C2orf69: variants seen among roughly 807,000 people sequenced by gnomAD.
The protein encoded by C2orf69 is chromosome 2 open reading frame 69, also known as mitochondrial protein C2orf69.
A neutral mutation model predicts 29.5 loss-of-function variants in C2orf69; 19 were observed. That is an observed-to-expected ratio of 0.65 (90% CI 0.45 to 0.95). C2orf69 has a LOEUF of 0.95. Among genes scored for constraint, C2orf69 ranks in the 40% least tolerant of loss-of-function variants. C2orf69 has a pLI of 0.00. For missense variants in C2orf69, 416 were observed against 482.1 expected (o/e 0.86, Z 1.28); for synonymous variants, 194 against 180.0 (o/e 1.08, Z -0.62).
intron 1 of C2orf69, among the ~76,000 whole-genome samples, chr2:199,920,789 TA>T (rs1337259289): frequency 6.6e-6 from 1 of 151,118 alleles, no homozygotes; most frequent in Non-Finnish European, 1.5e-5. Flanking sequence ...ACCCCATCTC[TA>T]CTAAAAATAC....
rs757482710 is a variant in C2orf69 at position 199,927,819 on chromosome 2, T to C, written c.*1933T>C. 8 of 152,156 alleles carry C rather than the reference T, an allele frequency of 5.3e-5. No individual in the cohort carries two copies. The highest frequency in any genetic ancestry group is 1.0e-4 in the Non-Finnish European group (7 of 67,974). The allele number at this position is 152,156 out of a possible 1,614,324, so 9.4% of individuals were successfully genotyped here. A position where few individuals can be genotyped will look rare whatever the true frequency, so the allele number is the denominator to read the frequency against. ...AATTCTATAAGGGGAAGAAAAAGCA[T>C]TTATTTTCACATGATTAACTGAAAT... On this transcript the variant is annotated 3_prime_UTR_variant, in exon 2 of 2. Transcript: ENST00000319974.
rs1415443118 is a variant in C2orf69, at chr2:199,925,852, T to C, written c.1124T>C (p.Ile375Thr). ...CATTTTACAAAGGAAGCTCCTTCCA[T>C]AGAGAATCACTTCAGGGTTCATGAA... ...QIHFTKEAPS[I>T]ENHFRVHEVF Residue 375 changes from isoleucine (I) to threonine (T), a missense_variant, in exon 2 of 2, where the codon ATA (isoleucine) becomes ACA (threonine). Ile to Thr is a moderately conservative substitution (Grantham distance 89, BLOSUM62 -1). This residue lies in a region of C2orf69 where 14 missense variants were observed against 16.6 expected (regional missense o/e 0.84). Coordinates refer to ENST00000319974, the MANE Select transcript of C2orf69 (RefSeq NM_153689.6). This position sits in a 1 kb window ranked among gnomAD's most constrained non-coding sequence, Gnocchi z 4.9. 3 of 1,613,350 alleles carry C rather than the reference T, an allele frequency of 1.9e-6. No homozygotes were observed. The highest frequency in any genetic ancestry group is 1.1e-5 in the South Asian group (1 of 91,054).
At chr2:199,914,612 T>A (rs550256782) in intron 1 of C2orf69, among the ~76,000 whole-genome samples, 1 of 152,316 alleles carries the variant, frequency 6.6e-6, no homozygotes, top group East Asian at 1.9e-4. Context: ...TATCCTGTCC[T>A]GCAAGGCTTT....
intron 1 of C2orf69, among the ~76,000 whole-genome samples, chr2:199,913,191 ATT>A (rs1491453373): frequency 9.6e-6 from 1 of 104,442 alleles, no homozygotes; most frequent in Non-Finnish European, 1.8e-5. Flanking sequence ...AATTATATAT[ATT>A]ATATATAATA....
chr2:199,918,139 A>G (rs1030988991), intron 1 of C2orf69, among the ~76,000 whole-genome samples: 4 of 152,186 alleles, frequency 2.6e-5, no homozygotes, highest in African/African-American at 9.6e-5. Flanking sequence ...GGATTATGGG[A>G]ACTACAATTC....
Position 199,925,029 on chromosome 2 carries a change from T to TC in C2orf69, c.334-33_334-32insC. The TC allele has an allele frequency of 7.8e-7, 1 of 1,282,090 alleles. No individual in the cohort carries two copies. The highest frequency in any genetic ancestry group is 1.1e-6 in the Non-Finnish European group (1 of 907,626). The allele number at this position is 1,282,090 out of a possible 1,614,324, so 79.4% of individuals were successfully genotyped here. A position where few individuals can be genotyped will look rare whatever the true frequency, so the allele number is the denominator to read the frequency against. ...GGAAATCATTTTATGTAAATATGTA[T>TC]TTAATACTTATTTCATCTTTCTTAC... On this transcript the variant is annotated intron_variant, in intron 1 of 1. Transcript: ENST00000319974. The surrounding 1 kb of genome is among the most constrained non-coding windows in gnomAD (Gnocchi z 4.9).
intron 1 of C2orf69, 42 bp downstream of exon 1, chr2:199,911,813 G>A: frequency 1.3e-6 from 2 of 1,535,940 alleles, no homozygotes; most frequent in East Asian, 2.4e-5. Context: ...TTCCTCTCGT[G>A]TATACGTACG....
chr2:199,911,329 G>C lies in C2orf69; in HGVS notation c.-110G>C. 1 of 1,304,870 alleles carries C rather than the reference G, an allele frequency of 7.7e-7. No individual in the cohort carries two copies. Among genetic ancestry groups the C allele is most frequent in the Non-Finnish European group, 9.9e-7 (1 of 1,013,034 alleles). The allele number at this position is 1,304,870 out of a possible 1,614,324, so 80.8% of individuals were successfully genotyped here. On this transcript the variant is annotated 5_prime_UTR_variant, in exon 1 of 2. Coordinates refer to ENST00000319974, the MANE Select transcript of C2orf69 (RefSeq NM_153689.6). The stretch of plus-strand genomic sequence containing the variant: ...TCGCCTCAGCGCCGGCTCCCGGCCG[G>C]GCCGCGGCCGCCGACCGTTGAGCCG...
intron 1 of C2orf69, among the ~76,000 whole-genome samples, chr2:199,912,042 C>T (rs1303316862): frequency 6.6e-6 from 1 of 152,162 alleles, no homozygotes; most frequent in Admixed American, 6.5e-5. Context: ...TTCCAAGAGG[C>T]GGAATTTGAG....
At position 199,913,186 on chromosome 2, in the gene C2orf69, T is replaced by TA. The variant is rs1559291974; in HGVS notation, c.333+1416dup. 4.0e-3 allele frequency among the ~76,000 whole-genome samples: 422 copies of TA among 105,162 alleles called. 7 individuals are homozygous for TA. The highest frequency in any genetic ancestry group is 0.015 in the African/African-American group (395 of 26,146). 69.0% of individuals were successfully genotyped at this position (105,162 alleles called of 152,430 possible). On this transcript the variant is annotated intron_variant, in intron 1 of 1. Transcript: ENST00000319974. ...TATATATATATTATATATAAAATTA[T>TA]ATATATTATATATAATATATAATAT...
intron 1 of C2orf69, among the ~76,000 whole-genome samples, chr2:199,914,535 G>A (rs1383092543): frequency 3.3e-5 from 5 of 152,048 alleles, no homozygotes; most frequent in Non-Finnish European, 5.9e-5. Flanking sequence ...ATCATTCCAC[G>A]TCTGCTCAAA....
At chr2:199,918,203 A>T (rs67567146) in intron 1 of C2orf69, among the ~76,000 whole-genome samples, 17,319 of 152,120 alleles carry the variant, frequency 0.11, 1,446 homozygotes, top group Admixed American at 0.25. Flanking sequence ...AGTATTTTGT[A>T]TTTCTTTAGG....
At chr2:199,916,557 AAGTT>A (rs1334136848) in intron 1 of C2orf69, among the ~76,000 whole-genome samples, 5 of 152,308 alleles carry the variant, frequency 3.3e-5, no homozygotes, top group Middle Eastern at 3.4e-3. Context: ...AATCAAAAGC[AAGTT>A]AGTTACTTCC....
intron 1 of C2orf69, among the ~76,000 whole-genome samples, chr2:199,913,220 TAA>T (rs1221200339): frequency 7.9e-5 from 6 of 76,150 alleles, no homozygotes; most frequent in Non-Finnish European, 9.6e-5. Flanking sequence ...ATATTATATA[TAA>T]TATATATTAT....
intron 1 of C2orf69, among the ~76,000 whole-genome samples, chr2:199,913,338 TATA>T (rs1196470084): frequency 1.1e-5 from 1 of 92,588 alleles, no homozygotes; most frequent in Non-Finnish European, 2.0e-5. Flanking sequence ...TATATTCTAT[TATA>T]ATATATATTA....
At chr2:199,921,849 A>G (rs552380792) in intron 1 of C2orf69, among the ~76,000 whole-genome samples, 2 of 151,810 alleles carry the variant, frequency 1.3e-5, no homozygotes, top group African/African-American at 4.8e-5. Flanking sequence ...TGATTTTTCT[A>G]TCTTACCTGT....
chr2:199,925,032 A>G lies in C2orf69; in HGVS notation c.334-30A>G. ...AATCATTTTATGTAAATATGTATTTAATACTTATTTCATCTTTCTTACCTT... is the reference window on the plus strand; with the variant it reads ...AATCATTTTATGTAAATATGTATTTGATACTTATTTCATCTTTCTTACCTT... On this transcript the variant is annotated intron_variant, in intron 1 of 1. Transcript: ENST00000319974. The surrounding 1 kb of genome is among the most constrained non-coding windows in gnomAD (Gnocchi z 4.9). 1 of 1,296,604 alleles carries G rather than the reference A, an allele frequency of 7.7e-7. No individual in the cohort carries two copies. Among genetic ancestry groups the G allele is most frequent in the Non-Finnish European group, 1.1e-6 (1 of 918,502 alleles). The allele number at this position is 1,296,604 out of a possible 1,614,324, so 80.3% of individuals were successfully genotyped here.
chr2:199,915,014 C>T (rs919309413), intron 1 of C2orf69, among the ~76,000 whole-genome samples: 4 of 152,154 alleles, frequency 2.6e-5, no homozygotes, highest in East Asian at 1.9e-4. Flanking sequence ...ATATAATCTG[C>T]GATGCTTGAG....
chr2:199,920,857 G>C (rs2077312745), intron 1 of C2orf69, among the ~76,000 whole-genome samples: 1 of 147,338 alleles, frequency 6.8e-6, no homozygotes, highest in African/African-American at 2.5e-5. Context: ...TCGGGAGGCT[G>C]AGGCAGGAGA....
Sources: gnomAD v4.1 joint callset for allele counts (sites outside exome capture counted in the v4.1 genomes callset) on GRCh38, gnomAD v4.1.1 for gene constraint, gnomAD v4.1.1 regional missense constraint, Gnocchi (gnomAD v3.1) non-coding constraint, MANE v1.5 for transcripts, NCBI Gene and HGNC (gene_info 2026-07-23, HGNC 2026-07-21) for gene names.